AHNAK2: variants seen among roughly 807,000 people sequenced by gnomAD.
AHNAK2 encodes AHNAK nucleoprotein 2.
AHNAK2 carries 18 observed loss-of-function variants against 30.7 expected under a neutral mutation model. The observed-to-expected ratio is 0.59, with a 90% confidence interval of 0.41 to 0.87. AHNAK2 has a LOEUF of 0.87. Among genes scored for constraint, AHNAK2 ranks in the 40% least tolerant of loss-of-function variants. The pLI, the probability that AHNAK2 is intolerant of heterozygous loss-of-function variation, is 0.00. For missense variants in AHNAK2, 8,604 were observed against 7,373.0 expected (o/e 1.17, Z -6.11); for synonymous variants, 3,590 against 3,073.8 (o/e 1.17, Z -5.56).
intron 1 of AHNAK2, among the ~76,000 whole-genome samples, chr14:104,968,201 C>A (rs1899364082): frequency 1.3e-5 from 2 of 152,194 alleles, no homozygotes; most frequent in Admixed American, 6.5e-5. Flanking sequence ...AAAACTTGAA[C>A]CTTGTGGAGG....
In AHNAK2 at chr14:104,940,531, T is replaced by C. The variant is rs769719206; in HGVS notation, c.14920A>G (p.Lys4974Glu). ...RWSPKKETGP[K>E]VDPECSVEDS... ...TCCACGCTGCATTCTGGGTCCACCT[T>C]TGGCCCTGTTTCCTTCTTCGGGGAC... Residue 4974 changes from lysine (K) to glutamate (E), a missense_variant, in exon 7 of 7, where the codon AAG (lysine) becomes GAG (glutamate). Lys to Glu is a moderately conservative substitution (Grantham distance 56, BLOSUM62 1). Coordinates refer to ENST00000333244, the MANE Select transcript of AHNAK2 (RefSeq NM_138420.4). This position sits in a 1 kb window ranked among gnomAD's most constrained non-coding sequence, Gnocchi z 4.4. 1.7e-5 allele frequency: 28 copies of C among 1,613,610 alleles called. No homozygotes were observed. The highest frequency in any genetic ancestry group is 6.7e-5 in the Admixed American group (4 of 59,998).
Position 104,952,994 on chromosome 14 carries a change from C to T in AHNAK2, c.2457G>A (p.Leu819=). The T allele has an allele frequency of 6.2e-7, 1 of 1,612,816 alleles. No homozygotes were observed. Among genetic ancestry groups the T allele is most frequent in the Non-Finnish European group, 8.5e-7 (1 of 1,179,620 alleles). ...CAGTCACCTCCTTGTCGGCCAGGGA[C>T]AGGTCCCCCTCCAGCCGCGCACCAT... ...KLDGARLEGD[L]SLADKEVTAK... The change falls in exon 7 of 7, where the codon CTG becomes CTA. Residue 819 remains leucine, a synonymous_variant. Coordinates refer to ENST00000333244, the MANE Select transcript of AHNAK2 (RefSeq NM_138420.4).
Position 104,943,223 on chromosome 14 carries a change from G to A in AHNAK2, c.12228C>T (p.Pro4076=), listed in dbSNP as rs1259560659. 11 of 1,613,004 alleles carry A rather than the reference G, an allele frequency of 6.8e-6. No homozygotes were observed. Among genetic ancestry groups the A allele is most frequent in the Non-Finnish European group, 7.6e-6 (9 of 1,179,628 alleles). Residue 4076 remains proline, a synonymous_variant, in exon 7 of 7, where the codon CCC becomes CCT. Coordinates refer to ENST00000333244, the MANE Select transcript of AHNAK2 (RefSeq NM_138420.4). ...CCTTGGGGCCTTTCAGGTCCAGCTT[G>A]GGGCCCTTAACATCTATCTGGGGGC... is the stretch of plus-strand genomic sequence containing the variant. ...LKGPQIDVKG[P]KLDLKGPKAE... is the part of the protein sequence containing the mutation.
chr14:104,949,890 T>A lies in AHNAK2; in HGVS notation c.5561A>T (p.Glu1854Val). The stretch of plus-strand genomic sequence containing the variant: ...CATGGAGGGGAGGCTCACTTCGGCC[T>A]CCACCTTCGGCGCAGACACATCCAC... Reference protein sequence around the residue: ...ASVDVSAPKVEAEVSLPSMQG... With the variant: ...ASVDVSAPKVVAEVSLPSMQG... The change falls in exon 7 of 7, where the codon GAG becomes GTG. Residue 1854 changes from glutamate (E) to valine (V), a missense_variant. Glu to Val is a moderately radical substitution (Grantham distance 121, BLOSUM62 -2). Transcript: ENST00000333244. 1.3e-6 allele frequency: 2 copies of A among 1,588,344 alleles called. No individual in the cohort carries two copies. The highest frequency in any genetic ancestry group is 1.7e-6 in the Non-Finnish European group (2 of 1,163,342).
chr14:104,956,695 G>A lies in AHNAK2; in HGVS notation c.214-6C>T. 1.2e-6 allele frequency: 2 copies of A among 1,613,418 alleles called. No individual in the cohort carries two copies. The highest frequency in any genetic ancestry group is 1.1e-5 in the South Asian group (1 of 91,076). On this transcript the variant is annotated splice_polypyrimidine_tract_variant and splice_region_variant and intron_variant, in intron 3 of 6. Transcript: ENST00000333244. ...TGCCTGCCGGGGGCGTCTTCCTGCAGCCACAAGTGTTGGGAGTTAGGCACC... is the reference window on the plus strand; with the variant it reads ...TGCCTGCCGGGGGCGTCTTCCTGCAACCACAAGTGTTGGGAGTTAGGCACC...
At position 104,951,839 on chromosome 14, in the gene AHNAK2, C is replaced by T. The variant is rs552773527; in HGVS notation, c.3612G>A (p.Gly1204=). The T allele has an allele frequency of 3.1e-5, 50 of 1,601,738 alleles. No homozygotes were observed. The African/African-American group carries it at 4.2e-4, about 14-fold the overall frequency. ...TGCTGAGGTCAGTGGTCTTGAGGTC[C>T]CCCTGCATGGAGGGGAGACTCACGT... The part of the protein sequence containing the change: ...EADVSLPSMQ[G]DLKTTDLSIQ... The change falls in exon 7 of 7, where the codon GGG becomes GGA. Residue 1204 remains glycine (G), a synonymous_variant. Transcript: ENST00000333244.
chr14:104,954,713 T>G lies in AHNAK2; in HGVS notation c.738A>C (p.Pro246=), dbSNP rs879209. 708,714 of 1,611,692 alleles carry G rather than the reference T, an allele frequency of 0.44. 162,560 individuals carry two copies. Among genetic ancestry groups the G allele is most frequent in the Middle Eastern group, 0.55 (3,332 of 6,060 alleles). ...GGCTCTGCCTGCCTCTCCCCACCCT[T>G]GGTTTGGAGATGAGTCTCTCTTGGT... ...DGDQERLISK[P]RVGRGRQSQR... Residue 246 remains proline (P), a synonymous_variant, in exon 7 of 7, where the codon CCA becomes CCC. Transcript: ENST00000333244. This position sits in a 1 kb window ranked among gnomAD's most constrained non-coding sequence, Gnocchi z 4.3.
intron 1 of AHNAK2, among the ~76,000 whole-genome samples, chr14:104,961,576 C>T (rs1899150969): frequency 6.6e-6 from 1 of 151,308 alleles, no homozygotes; most frequent in Non-Finnish European, 1.5e-5. Context: ...GACAATCTTA[C>T]TTGAAATTAT....
chr14:104,969,141 T>G (rs1899401290), intron 1 of AHNAK2, among the ~76,000 whole-genome samples: 1 of 152,208 alleles, frequency 6.6e-6, no homozygotes. Context: ...CCTGCCTCTG[T>G]GTCTGCCTCC....
Position 104,946,953 on chromosome 14 carries a change from T to G in AHNAK2, c.8498A>C (p.Glu2833Ala), listed in dbSNP as rs113643448. 297 of 1,612,256 alleles carry G rather than the reference T, an allele frequency of 1.8e-4. 6 individuals carry two copies. In the African/African-American group the frequency reaches 3.4e-3, roughly 18 times the overall value. ...CAGCTCAGACACATCCACCGAGGCC[T>G]CGATGGACTTGCCTGGGGCCGACAC... The part of the protein sequence containing the change: ...FGVSAPGKSI[E>A]ASVDVSELKV... The change falls in exon 7 of 7, where the codon GAG (glutamate) becomes GCG (alanine). Residue 2833 changes from glutamate (E) to alanine (A), a missense_variant. Transcript: ENST00000333244.
chr14:104,939,824 C>T lies in AHNAK2; in HGVS notation c.15627G>A (p.Gly5209=), dbSNP rs114547169. ...TCTGAGCCACTTCCAGCTTTCCAGCCCCGCCTCTGTCCCTGAAAGAGCGCC... is the reference window on the plus strand; with the variant it reads ...TCTGAGCCACTTCCAGCTTTCCAGCTCCGCCTCTGTCCCTGAAAGAGCGCC... ...SLRRSFRDRG[G]AGKLEVAQTQ... is the part of the protein sequence containing the mutation. Residue 5209 remains glycine, a synonymous_variant, in exon 7 of 7, where the codon GGG becomes GGA. Transcript: ENST00000333244. 5.6e-4 allele frequency: 904 copies of T among 1,613,804 alleles called. 3 individuals are homozygous for T. The African/African-American group carries it at 0.011, about 19-fold the overall frequency.
intron 1 of AHNAK2, among the ~76,000 whole-genome samples, chr14:104,967,991 C>T (rs1899354957): frequency 6.6e-6 from 1 of 152,232 alleles, no homozygotes; most frequent in African/African-American, 2.4e-5. Flanking sequence ...TGCAAGTGGC[C>T]CCATCACCTG....
rs755926303 is a variant in AHNAK2, at chr14:104,946,134, T to A, written c.9317A>T (p.Gln3106Leu). Residue 3106 changes from glutamine to leucine, a missense_variant, in exon 7 of 7, where the codon CAG becomes CTG. Coordinates refer to ENST00000333244, the MANE Select transcript of AHNAK2 (RefSeq NM_138420.4). Reference protein sequence around the residue: ...DVTAPDVEVSQPGMEVDVEAP... With the variant: ...DVTAPDVEVSLPGMEVDVEAP... The stretch of plus-strand genomic sequence containing the variant: ...CTCGACATCCACCTCCATGCCGGGC[T>A]GAGACACCTCCACGTCGGGGGCCGT... 4.1e-5 allele frequency: 66 copies of A among 1,611,036 alleles called. No homozygotes were observed. The highest frequency in any genetic ancestry group is 5.3e-5 in the Non-Finnish European group (63 of 1,178,954).
Position 104,955,480 on chromosome 14 carries a change from C to T in AHNAK2, c.466+3G>A. ...GACCCCAGGGATGGAACTGCCATGG[C>T]ACCTTCTCTCAAGTTAAAAAGCTTG... On this transcript the variant is annotated splice_donor_region_variant and intron_variant, in intron 5 of 6. Transcript: ENST00000333244. 1 of 1,611,958 alleles carries T rather than the reference C, an allele frequency of 6.2e-7. No homozygotes were observed. The highest frequency in any genetic ancestry group is 1.7e-4 in the Middle Eastern group (1 of 6,050).
Position 104,943,204 on chromosome 14 carries a change from G to C in AHNAK2, c.12247C>G (p.Pro4083Ala). The change falls in exon 7 of 7, where the codon CCC (proline) becomes GCC (alanine). Residue 4083 changes from proline to alanine, a missense_variant. By Grantham distance (27) the Pro-to-Ala change is conservative. Transcript: ENST00000333244. ...VKGPKLDLKG[P>A]KAEVTAPDVK... ...TCAGGGGCTGTCACTTCCGCCTTGG[G>C]GCCTTTCAGGTCCAGCTTGGGGCCC... The C allele has an allele frequency of 1.2e-6, 2 of 1,613,048 alleles. No individual in the cohort carries two copies. Among genetic ancestry groups the C allele is most frequent in the Non-Finnish European group, 1.7e-6 (2 of 1,179,586 alleles).
Position 104,939,313 on chromosome 14 carries a change from A to T in AHNAK2, c.16138T>A (p.Ser5380Thr). ...TTGGGGAATTTGACAGTTAGGACAG[A>T]ATCTTCCCACAGTTGATCCACATTA... ...VVNVDQLWED[S>T]VLTVKFPKLM... Residue 5380 changes from serine (S) to threonine (T), a missense_variant, in exon 7 of 7, where the codon TCT (serine) becomes ACT (threonine). Physicochemically the swap from Ser to Thr is moderately conservative, Grantham distance 58 (BLOSUM62 1). Transcript: ENST00000333244. The T allele has an allele frequency of 6.2e-7, 1 of 1,613,812 alleles. No individual in the cohort carries two copies. The highest frequency in any genetic ancestry group is 8.5e-7 in the Non-Finnish European group (1 of 1,179,844).
At chr14:104,957,580 T>G in intron 2 of AHNAK2, 34 bp downstream of exon 2, 1 of 1,604,736 alleles carries the variant, frequency 6.2e-7, no homozygotes, top group Non-Finnish European at 8.5e-7. Flanking sequence ...GGGCAGGGTA[T>G]GAGGAGGACA....
Position 104,946,535 on chromosome 14 carries a change from A to G in AHNAK2, c.8916T>C (p.Thr2972=). The G allele has an allele frequency of 1.1e-5, 18 of 1,608,936 alleles. No individual in the cohort carries two copies. The highest frequency in any genetic ancestry group is 1.4e-5 in the Non-Finnish European group (16 of 1,178,384). Reference sequence around the variant, plus strand: ...GCATTTTGAACTTGCTGTCTTTGGCAGTCACATCCTTGTCGGCCAGGGACA... The same window carrying G: ...GCATTTTGAACTTGCTGTCTTTGGCGGTCACATCCTTGTCGGCCAGGGACA... ...GDLSLADKDV[T]AKDSKFKMPK... The change falls in exon 7 of 7, where the codon ACT becomes ACC. Residue 2972 remains threonine (T), a synonymous_variant. Coordinates refer to ENST00000333244, the MANE Select transcript of AHNAK2 (RefSeq NM_138420.4).
rs780360061 is a variant in AHNAK2, at chr14:104,943,820, G to A, written c.11631C>T (p.Pro3877=). 18 of 1,613,062 alleles carry A rather than the reference G, an allele frequency of 1.1e-5. No homozygotes were observed. The highest frequency in any genetic ancestry group is 1.7e-4 in the Middle Eastern group (1 of 6,052). The part of the protein sequence containing the change: ...VDMKLLEGHV[P]EEAGLKGHLP... ...GGTGTCCTTTGAGGCCGGCTTCCTC[G>A]GGCACGTGGCCCTCCAGGAGTTTCA... Residue 3877 remains proline, a synonymous_variant, in exon 7 of 7, where the codon CCC becomes CCT. Coordinates refer to ENST00000333244, the MANE Select transcript of AHNAK2 (RefSeq NM_138420.4).
Sources: gnomAD v4.1 joint callset for allele counts (sites outside exome capture counted in the v4.1 genomes callset) on GRCh38, gnomAD v4.1.1 for gene constraint, Gnocchi (gnomAD v3.1) non-coding constraint, MANE v1.5 for transcripts, NCBI Gene and HGNC (gene_info 2026-07-23, HGNC 2026-07-21) for gene names.